Variants in SMARCA1 observed in about 807,000 individuals in gnomAD.
SMARCA1 encodes SNF2 related chromatin remodeling ATPase 1, also known as SWI/SNF-related matrix-associated actin-dependent regulator of chromatin subfamily A member 1.
Under a neutral mutation model 93.6 loss-of-function variants are expected in SMARCA1, and 17 were observed. The observed-to-expected ratio is 0.18, with a 90% CI of 0.12 to 0.27. SMARCA1 has a LOEUF of 0.27. Among genes scored for constraint, SMARCA1 ranks in the 10% least tolerant of loss-of-function variants. The pLI, the probability that SMARCA1 is intolerant of heterozygous loss-of-function variation, is 1.00. For synonymous variants in SMARCA1, 271 were observed against 271.4 expected (o/e 1.00, Z 0.01); for missense variants, 630 against 819.0 (o/e 0.77, Z 2.82).
intron 16 of SMARCA1, 126 bp downstream of exon 16, chrX:129,488,811 G>A (rs1934006939): frequency 1.2e-5 from 5 of 425,777 alleles, no homozygotes; most frequent in Non-Finnish European, 1.5e-5. Flanking sequence ...AGTTGTTGGA[G>A]AGAATATGAG....
intron 23 of SMARCA1, 130 bp from the exon 24 acceptor site, chrX:129,448,573 A>T (rs1932119789): frequency 3.5e-6 from 2 of 565,590 alleles, no homozygotes; most frequent in Non-Finnish European, 5.8e-6. Context: ...GACAATATTC[A>T]CACAGGGTAT....
chrX:129,448,770 G>A (rs1333573633), intron 23 of SMARCA1, among the ~76,000 whole-genome samples: 6 of 110,475 alleles, frequency 5.4e-5, no homozygotes, highest in African/African-American at 2.0e-4. Flanking sequence ...AGCTAATTTC[G>A]AAAGGTTACA....
At chrX:129,516,275 G>A in intron 3 of SMARCA1, 56 bp downstream of exon 3, 1 of 1,098,980 alleles carries the variant, frequency 9.1e-7, no homozygotes. Flanking sequence ...AGGGAGGACA[G>A]GAGGAAGAAA....
chrX:129,473,601 C>T lies in SMARCA1; in HGVS notation c.2443-2275G>A, dbSNP rs186927000. Among the ~76,000 whole-genome samples, 24 of 112,252 alleles carry T rather than the reference C, an allele frequency of 2.1e-4. 1 individual carries two copies. In the Admixed American group the frequency reaches 2.2e-3, roughly 10 times the overall value. On this transcript the variant is annotated intron_variant, in intron 19 of 24. Coordinates refer to ENST00000371121, the MANE Select transcript of SMARCA1 (RefSeq NM_001282874.2). ...ATAAGCAAACTGTGGCCTATCCATACAATGGAATAGGTGTTCCACAATCAA... is the reference window on the plus strand; with the variant it reads ...ATAAGCAAACTGTGGCCTATCCATATAATGGAATAGGTGTTCCACAATCAA...
chrX:129,482,298 A>T (rs1052541007), intron 17 of SMARCA1, among the ~76,000 whole-genome samples: 1 of 107,810 alleles, frequency 9.3e-6, no homozygotes, highest in Non-Finnish European at 1.9e-5. Context: ...AACCTGCACA[A>T]TGTGCACATG....
At chrX:129,477,863 A>G (rs1248275964) in intron 19 of SMARCA1, among the ~76,000 whole-genome samples, 4 of 110,600 alleles carry the variant, frequency 3.6e-5, no homozygotes, top group African/African-American at 1.3e-4. Context: ...AACCTCATTA[A>G]TATGACCTAC....
rs1311977800 is a variant in SMARCA1, at chrX:129,523,490, C to T, written c.-120G>A. 4.3e-5 allele frequency: 23 copies of T among 529,073 alleles called. No homozygotes were observed. Among genetic ancestry groups the T allele is most frequent in the Non-Finnish European group, 4.6e-5 (16 of 349,914 alleles). 43.6% of individuals were successfully genotyped at this position (529,073 alleles called of 1,213,427 possible). Reference sequence around the variant, plus strand: ...GGGTGGGGAATCACTCCGCTTCCAACCCCTTCGCTCAGGCCCCCCCTTCTT... The same window carrying T: ...GGGTGGGGAATCACTCCGCTTCCAATCCCTTCGCTCAGGCCCCCCCTTCTT... On this transcript the variant is annotated 5_prime_UTR_variant, in exon 1 of 25. Coordinates refer to ENST00000371121, the MANE Select transcript of SMARCA1 (RefSeq NM_001282874.2).
At chrX:129,479,085 C>T (rs1186972729) in intron 19 of SMARCA1, among the ~76,000 whole-genome samples, 4 of 111,799 alleles carry the variant, frequency 3.6e-5, no homozygotes, top group East Asian at 2.8e-4. Flanking sequence ...TAGGAATCAA[C>T]GACCTCAGTA....
intron 15 of SMARCA1, among the ~76,000 whole-genome samples, chrX:129,489,400 T>C (rs1308801386): frequency 8.9e-6 from 1 of 112,325 alleles, no homozygotes; most frequent in Non-Finnish European, 1.9e-5. Context: ...TTTCAAAAAT[T>C]TAAAAGTAGC....
chrX:129,450,353 G>C (rs2124147878), intron 23 of SMARCA1, among the ~76,000 whole-genome samples: 1 of 111,990 alleles, frequency 8.9e-6, no homozygotes, highest in South Asian at 3.8e-4. Context: ...AGCCCTGCTG[G>C]CACCTTGATC....
At chrX:129,518,901 CTG>C (rs1429036837) in intron 1 of SMARCA1, among the ~76,000 whole-genome samples, 6 of 111,054 alleles carry the variant, frequency 5.4e-5, no homozygotes, top group African/African-American at 1.6e-4. Flanking sequence ...GAAAAAAAAA[CTG>C]TGGTTTCTGT....
chrX:129,479,395 G>T (rs901381320), intron 19 of SMARCA1, among the ~76,000 whole-genome samples: 6 of 109,793 alleles, frequency 5.5e-5, no homozygotes, highest in African/African-American at 2.0e-4. Context: ...TTCTTCTGGT[G>T]TATCACTGTT....
At chrX:129,481,608 A>C (rs1476585173) in intron 17 of SMARCA1, among the ~76,000 whole-genome samples, 1 of 111,923 alleles carries the variant, frequency 8.9e-6, no homozygotes, top group South Asian at 3.8e-4. Flanking sequence ...CCATCAGAGA[A>C]ATGCAAATCA....
At chrX:129,509,278 C>T (rs968950338) in intron 6 of SMARCA1, among the ~76,000 whole-genome samples, 6 of 110,376 alleles carry the variant, frequency 5.4e-5, no homozygotes, top group African/African-American at 2.0e-4. Context: ...TCATAATTCA[C>T]AACTATGCAC....
intron 20 of SMARCA1, among the ~76,000 whole-genome samples, chrX:129,470,006 C>T (rs1933042316): frequency 9.0e-6 from 1 of 111,386 alleles, no homozygotes; most frequent in Admixed American, 9.6e-5. Flanking sequence ...GCATTTGGCT[C>T]AAAAACTTAT....
At chrX:129,465,489 T>TG in intron 23 of SMARCA1, 31 bp downstream of exon 23, 2 of 1,044,716 alleles carry the variant, frequency 1.9e-6, no homozygotes, top group South Asian at 4.3e-5. Context: ...AATAAAAAGT[T>TG]GGAGGAAATC....
intron 9 of SMARCA1, among the ~76,000 whole-genome samples, chrX:129,504,064 G>A (rs1304846140): frequency 9.1e-6 from 1 of 109,408 alleles, no homozygotes. Flanking sequence ...GATTACCTGA[G>A]GTCAGGAGTT....
Position 129,515,746 on chromosome X carries a change from G to A in SMARCA1, c.571C>T (p.Leu191=), listed in dbSNP as rs765773970. Residue 191 remains leucine, a synonymous_variant, in exon 5 of 25, where the codon CTG becomes TTG. Coordinates refer to ENST00000371121, the MANE Select transcript of SMARCA1 (RefSeq NM_001282874.2). ...TCATATAAAGAGATCAACCAATTCA[G>A]TCCTCGAATCTGATAATCTCTCAGT... ...GPLRDYQIRG[L]NWLISLYENG... is the part of the protein sequence containing the mutation. 2.0e-5 allele frequency: 24 copies of A among 1,204,256 alleles called. No individual in the cohort carries two copies. The highest frequency in any genetic ancestry group is 2.3e-4 in the Middle Eastern group (1 of 4,358).
intron 13 of SMARCA1, among the ~76,000 whole-genome samples, chrX:129,492,626 G>A (rs1379592684): frequency 1.8e-5 from 2 of 110,779 alleles, no homozygotes; most frequent in African/African-American, 6.5e-5. Flanking sequence ...ATGGTAACAA[G>A]GAACAAGCAG....
Sources: allele counts gnomAD v4.1 joint callset (sites outside exome capture counted in the v4.1 genomes callset), GRCh38; gene constraint gnomAD v4.1.1; transcripts MANE v1.5; gene names NCBI Gene and HGNC (gene_info 2026-07-23, HGNC 2026-07-21).